Variants in PTK2B observed in about 807,000 individuals in gnomAD.
The protein encoded by PTK2B is protein-tyrosine kinase 2-beta.
In PTK2B, 71 loss-of-function variants were observed where a neutral mutation model predicts 142.9. That is an observed-to-expected ratio of 0.50 (90% CI 0.41 to 0.61). The LOEUF is 0.61. Ranked by LOEUF, PTK2B falls within the 20% of genes least tolerant of loss-of-function variation. The pLI, the probability that PTK2B is intolerant of heterozygous loss-of-function variation, is 0.00. For missense variants in PTK2B, 1,105 were observed against 1,320.4 expected (o/e 0.84, Z 2.53); for synonymous variants, 519 against 503.4 (o/e 1.03, Z -0.42).
chr8:27,410,144 A>G (rs1808970739), intron 2 of PTK2B, among the ~76,000 whole-genome samples: 1 of 152,270 alleles, frequency 6.6e-6, no homozygotes, highest in African/African-American at 2.4e-5. Context: ...GGTGAATTGA[A>G]TTAAGCCTGG....
At chr8:27,417,080 C>G (rs6994446) in intron 2 of PTK2B, among the ~76,000 whole-genome samples, 1 of 152,086 alleles carries the variant, frequency 6.6e-6, no homozygotes, top group Non-Finnish European at 1.5e-5. Context: ...AATTCCTCTT[C>G]TCAGCATTTA....
intron 7 of PTK2B, 95 bp downstream of exon 7, chr8:27,430,513 G>A (rs1810343101): frequency 6.6e-7 from 1 of 1,521,922 alleles, no homozygotes; most frequent in Non-Finnish European, 9.1e-7. Context: ...AGAGAAGCCA[G>A]GGTATCTGCG....
At chr8:27,352,487 C>G (rs2130551789) in intron 1 of PTK2B, among the ~76,000 whole-genome samples, 1 of 152,314 alleles carries the variant, frequency 6.6e-6, no homozygotes, top group African/African-American at 2.4e-5. Context: ...GGGCGGTCAT[C>G]TGGGCCAGCC....
intron 1 of PTK2B, chr8:27,396,046 C>T (rs1341614797): frequency 6.6e-6 from 1 of 152,138 alleles, no homozygotes; most frequent in African/African-American, 2.4e-5. Context: ...GCATATTCTT[C>T]TCTCCATAGG....
rs541943669 is a variant in PTK2B at position 27,434,423 on chromosome 8, G to C, written c.1146-90G>C. The C allele has an allele frequency of 4.7e-4, 644 of 1,377,946 alleles. 11 individuals carry two copies. The South Asian group carries it at 7.9e-3, about 17-fold the overall frequency. 85.4% of individuals were successfully genotyped at this position (1,377,946 alleles called of 1,614,324 possible). On this transcript the variant is annotated intron_variant, in intron 12 of 30. Transcript: ENST00000346049. The stretch of plus-strand genomic sequence containing the variant: ...ATTTGGACAGACTACTTCTCCACAG[G>C]GGGCAGGAGGAGAGGGCGGGCCGAG...
chr8:27,427,452 C>T (rs1163491967), intron 5 of PTK2B, among the ~76,000 whole-genome samples: 3 of 152,204 alleles, frequency 2.0e-5, no homozygotes, highest in Non-Finnish European at 1.5e-5. Flanking sequence ...CTTTGCCTGG[C>T]ACATCAGAGC....
At chr8:27,449,300 T>G (rs1811665069) in intron 24 of PTK2B, among the ~76,000 whole-genome samples, 1 of 152,218 alleles carries the variant, frequency 6.6e-6, no homozygotes, top group African/African-American at 2.4e-5. Flanking sequence ...GAATAAATAT[T>G]TCAGCAAGAA....
At chr8:27,330,665 TCTG>T (rs1261632327) in intron 1 of PTK2B, among the ~76,000 whole-genome samples, 2 of 152,162 alleles carry the variant, frequency 1.3e-5, no homozygotes, top group Non-Finnish European at 2.9e-5. Flanking sequence ...TTTGAGTCAC[TCTG>T]CTATTTCTCA....
intron 17 of PTK2B, 41 bp from the exon 18 acceptor site, chr8:27,437,724 G>A: frequency 6.4e-7 from 1 of 1,566,536 alleles, no homozygotes; most frequent in Non-Finnish European, 8.7e-7. Context: ...TCCATACTGG[G>A]ACCAACCAGG....
chr8:27,397,694 A>G lies in PTK2B; in HGVS notation c.110A>G (p.Asp37Gly). The G allele has an allele frequency of 1.9e-6, 3 of 1,614,190 alleles. No homozygotes were observed. The highest frequency in any genetic ancestry group is 1.7e-6 in the Non-Finnish European group (2 of 1,180,024). The change falls in exon 2 of 31, where the codon GAC becomes GGC. Residue 37 changes from aspartate (D) to glycine (G), a missense_variant. Transcript: ENST00000346049. ...VVVPVDVEKE[D>G]VRILKVCFYS... Reference sequence around the variant, plus strand: ...GTACCAGTAGATGTGGAAAAGGAGGACGTGCGTATCCTCAAGGTCTGCTTC... The same window carrying G: ...GTACCAGTAGATGTGGAAAAGGAGGGCGTGCGTATCCTCAAGGTCTGCTTC...
intron 1 of PTK2B, among the ~76,000 whole-genome samples, chr8:27,379,649 A>G (rs1371447360): frequency 2.6e-5 from 4 of 152,230 alleles, no homozygotes; most frequent in Admixed American, 2.0e-4. Flanking sequence ...CCTTAATTGA[A>G]TATGCCTAAG....
At chr8:27,333,686 TC>T (rs1189940213) in intron 1 of PTK2B, among the ~76,000 whole-genome samples, 1 of 152,032 alleles carries the variant, frequency 6.6e-6, no homozygotes, top group Non-Finnish European at 1.5e-5. Context: ...CCTGGCCGCT[TC>T]CCCCTGGGCC....
At chr8:27,388,757 T>G (rs1407319756) in intron 1 of PTK2B, among the ~76,000 whole-genome samples, 2 of 152,242 alleles carry the variant, frequency 1.3e-5, no homozygotes, top group Non-Finnish European at 2.9e-5. Flanking sequence ...CAAGGCATCC[T>G]TCTCTCAGAT....
Position 27,350,993 on chromosome 8 carries a change from ATATATATATATATATATAT to A in PTK2B, c.-38+25313_-38+25331del, listed in dbSNP as rs1805044949. Among the ~76,000 whole-genome samples the A allele has an allele frequency of 2.5e-3, 29 of 11,454 alleles. 5 individuals carry two copies. Among genetic ancestry groups the A allele is most frequent in the African/African-American group, 8.9e-3 (26 of 2,906 alleles). The allele number at this position is 11,454 out of a possible 152,430, so 7.5% of individuals were successfully genotyped here. A position where few individuals can be genotyped will look rare whatever the true frequency, so the allele number is the denominator to read the frequency against. On this transcript the variant is annotated intron_variant, in intron 1 of 30. Transcript: ENST00000346049. ...TCCGTCTCAAAAAAAAAAAAAAAATATATATATATATATATATATATATATATATATATATATATATATA... is the reference window on the plus strand; with the variant it reads ...TCCGTCTCAAAAAAAAAAAAAAAATAATATATATATATATATATATATATA...
intron 1 of PTK2B, among the ~76,000 whole-genome samples, chr8:27,348,521 T>A (rs1275492784): frequency 6.6e-6 from 1 of 152,118 alleles, no homozygotes; most frequent in African/African-American, 2.4e-5. Flanking sequence ...TAGCAACCGG[T>A]AAGGGAAGTG....
intron 1 of PTK2B, among the ~76,000 whole-genome samples, chr8:27,361,398 C>T (rs1348316415): frequency 6.6e-6 from 1 of 151,954 alleles, no homozygotes; most frequent in Non-Finnish European, 1.5e-5. Context: ...TTTTATTTTA[C>T]TTTTTGTACA....
At chr8:27,360,948 A>G (rs6995736) in intron 1 of PTK2B, among the ~76,000 whole-genome samples, 2 of 152,128 alleles carry the variant, frequency 1.3e-5, no homozygotes, top group South Asian at 4.1e-4. Context: ...CAGGAAAGAA[A>G]GAAACATAGG....
chr8:27,452,603 T>C (rs1287175164), intron 27 of PTK2B: 1 of 153,944 alleles, frequency 6.5e-6, no homozygotes. Context: ...AGTGGACTTT[T>C]ATGTGTCTTT....
chr8:27,388,949 C>T (rs1807542774), intron 1 of PTK2B, among the ~76,000 whole-genome samples: 1 of 152,120 alleles, frequency 6.6e-6, no homozygotes, highest in Non-Finnish European at 1.5e-5. Flanking sequence ...CCCAATGACC[C>T]CTCACCCACC....
Sources: gnomAD v4.1 joint callset for allele counts (sites outside exome capture counted in the v4.1 genomes callset) on GRCh38, gnomAD v4.1.1 for gene constraint, MANE v1.5 for transcripts, NCBI Gene and HGNC (gene_info 2026-07-23, HGNC 2026-07-21) for gene names.